PABPC4L: variants seen among roughly 807,000 people sequenced by gnomAD.
The protein encoded by PABPC4L is polyadenylate-binding protein 4-like.
For synonymous variants in PABPC4L, 169 were observed against 164.1 expected, an observed-to-expected ratio of 1.03 and a Z score of -0.23; for missense variants, 452 against 451.4, an observed-to-expected ratio of 1.00 and a Z score of -0.01.
the PABPC4L span, among the ~76,000 whole-genome samples, chr4:134,112,979 T>C: frequency 6.6e-6 from 1 of 151,868 alleles, no homozygotes; most frequent in African/African-American, 2.4e-5. Flanking sequence ...TGTGTAGGTC[T>C]AGGCTAATGT....
chr4:134,157,780 C>T, the PABPC4L span, among the ~76,000 whole-genome samples: 2 of 151,672 alleles, frequency 1.3e-5, no homozygotes, highest in East Asian at 3.9e-4. Flanking sequence ...TCAGGTCTGT[C>T]ACTTATATAA....
At chr4:134,147,749 G>GTGTGTGTGTGTTGT in the PABPC4L span, among the ~76,000 whole-genome samples, 8 of 149,038 alleles carry the variant, frequency 5.4e-5, no homozygotes, top group African/African-American at 2.0e-4. Context: ...GTGTGTGTGT[G>GTGTGTGTGTGTTGT]TGTTGTTGTT....
At chr4:134,040,707 A>G in the PABPC4L span, among the ~76,000 whole-genome samples, 46 of 152,196 alleles carry the variant, frequency 3.0e-4, no homozygotes, top group African/African-American at 1.1e-3. Context: ...AATGGCAACA[A>G]AAGCCAAAAT....
At chr4:134,147,623 T>C in the PABPC4L span, among the ~76,000 whole-genome samples, 1 of 152,182 alleles carries the variant, frequency 6.6e-6, no homozygotes, top group African/African-American at 2.4e-5. Flanking sequence ...ACTCTTGAAA[T>C]GCTATTCTAT....
the PABPC4L span, among the ~76,000 whole-genome samples, chr4:134,022,238 G>C: frequency 1.3e-5 from 2 of 151,978 alleles, no homozygotes; most frequent in Admixed American, 6.6e-5. Context: ...GTTTGCCCCA[G>C]TATCCAAGTT....
the PABPC4L span, among the ~76,000 whole-genome samples, chr4:134,083,834 C>T: frequency 1.3e-4 from 19 of 151,966 alleles, no homozygotes; most frequent in Non-Finnish European, 2.2e-4. Context: ...GTTTCCAAAT[C>T]GAAAAGCTTA....
At chr4:134,129,283 C>G in the PABPC4L span, among the ~76,000 whole-genome samples, 1 of 151,968 alleles carries the variant, frequency 6.6e-6, no homozygotes, top group African/African-American at 2.4e-5. Flanking sequence ...AGAAAGTCAA[C>G]AAAGAAAGAA....
At chr4:133,996,841 A>T in the PABPC4L span, among the ~76,000 whole-genome samples, 1 of 152,158 alleles carries the variant, frequency 6.6e-6, no homozygotes, top group African/African-American at 2.4e-5. Context: ...CTTGGAGCAA[A>T]CACAATTTGT....
chr4:133,983,625 G>T, the PABPC4L span, among the ~76,000 whole-genome samples: 5 of 151,788 alleles, frequency 3.3e-5, no homozygotes. Context: ...CAGAAAAAAA[G>T]AAATTAATTA....
chr4:134,064,827 A>T, the PABPC4L span, among the ~76,000 whole-genome samples: 2 of 151,872 alleles, frequency 1.3e-5, no homozygotes, highest in African/African-American at 2.4e-5. Flanking sequence ...TTTAGCTCCC[A>T]CTTATAAGAG....
At chr4:134,147,648 T>C in the PABPC4L span, among the ~76,000 whole-genome samples, 1 of 152,064 alleles carries the variant, frequency 6.6e-6, no homozygotes, top group East Asian at 1.9e-4. Context: ...AAACAAATTA[T>C]ACAGATGACT....
the PABPC4L span, among the ~76,000 whole-genome samples, chr4:134,131,684 G>GA: frequency 4.1e-5 from 1 of 24,596 alleles, no homozygotes; most frequent in Non-Finnish European, 7.3e-5. Flanking sequence ...CACAGCGCTA[G>GA]AAAAAACTAT....
the PABPC4L span, among the ~76,000 whole-genome samples, chr4:134,097,994 TA>T: frequency 6.6e-6 from 1 of 151,804 alleles, no homozygotes; most frequent in African/African-American, 2.4e-5. Context: ...GAAATGCATT[TA>T]ATTATATTAA....
the PABPC4L span, among the ~76,000 whole-genome samples, chr4:134,136,295 G>C: frequency 6.6e-6 from 1 of 152,014 alleles, no homozygotes; most frequent in Non-Finnish European, 1.5e-5. Context: ...TTTTATTCCT[G>C]CAAGGCCCAT....
chr4:134,156,002 A>T, the PABPC4L span, among the ~76,000 whole-genome samples: 1 of 152,014 alleles, frequency 6.6e-6, no homozygotes, highest in African/African-American at 2.4e-5. Flanking sequence ...TTGCATATTT[A>T]GATTAATAGT....
chr4:134,108,998 C>G, the PABPC4L span, among the ~76,000 whole-genome samples: 3 of 151,886 alleles, frequency 2.0e-5, no homozygotes, highest in South Asian at 6.2e-4. Context: ...GATAAATAAA[C>G]ATTCATGCCA....
chr4:134,176,407 CTG>C, the PABPC4L span, among the ~76,000 whole-genome samples: 1 of 152,086 alleles, frequency 6.6e-6, no homozygotes, highest in Admixed American at 6.6e-5. Flanking sequence ...TCCCAGCCCT[CTG>C]AGAGGATTGC....
At chr4:134,052,362 G>T in the PABPC4L span, among the ~76,000 whole-genome samples, 1 of 151,992 alleles carries the variant, frequency 6.6e-6, no homozygotes, top group East Asian at 1.9e-4. Context: ...CAGTGAAGTT[G>T]TATTTTTATT....
the PABPC4L span, among the ~76,000 whole-genome samples, chr4:134,130,063 T>TA: frequency 0.021 from 2,351 of 110,938 alleles, 44 homozygotes; most frequent in African/African-American, 0.06. Flanking sequence ...AGACTCTGTT[T>TA]AAAAAAAAAA....
Sources: gnomAD v4.1 joint callset for allele counts (sites outside exome capture counted in the v4.1 genomes callset) on GRCh38, gnomAD v4.1.1 for gene constraint, MANE v1.5 for transcripts, NCBI Gene and HGNC (gene_info 2026-07-23, HGNC 2026-07-21) for gene names.